OR2L13: variants seen among roughly 807,000 people sequenced by gnomAD.
The protein encoded by OR2L13 is olfactory receptor 2L13.
A neutral mutation model predicts 15.3 loss-of-function variants in OR2L13; 14 were observed. The observed-to-expected ratio is 0.91, with a 90% confidence interval of 0.60 to 1.43. The LOEUF (loss-of-function observed/expected upper bound fraction) is 1.43, where lower values mean the gene tolerates loss of function less well. Among genes scored for constraint, OR2L13 ranks in the 40% most tolerant of loss-of-function variants. The probability of loss-of-function intolerance (pLI) is 0.00; values close to 1 mark genes in which losing one functional copy is unlikely to be tolerated. For synonymous variants in OR2L13, 152 were observed against 142.9 expected, an observed-to-expected ratio of 1.06 and a Z score of -0.45; for missense variants, 367 against 387.9, an observed-to-expected ratio of 0.95 and a Z score of 0.45.
chr1:248,064,263 C>T, the OR2L13 span, among the ~76,000 whole-genome samples: 1 of 152,024 alleles, frequency 6.6e-6, no homozygotes, highest in Non-Finnish European at 1.5e-5. Flanking sequence ...AGATTAATGC[C>T]TTTCTAAAGG....
the OR2L13 span, among the ~76,000 whole-genome samples, chr1:248,073,478 G>C: frequency 6.6e-6 from 1 of 151,914 alleles, no homozygotes; most frequent in African/African-American, 2.4e-5. Flanking sequence ...GACTGTTGTG[G>C]GGTGGGGGGA....
the OR2L13 span, among the ~76,000 whole-genome samples, chr1:248,006,243 ATGTGTGTG>A: frequency 0.051 from 7,158 of 139,670 alleles, 260 homozygotes; most frequent in East Asian, 0.15. Context: ...ATTGCAAGAT[ATGTGTGTG>A]TGTGTGTGTG....
chr1:248,021,548 G>GCCTA, the OR2L13 span, among the ~76,000 whole-genome samples: 3 of 152,210 alleles, frequency 2.0e-5, no homozygotes, highest in Middle Eastern at 6.8e-3. Flanking sequence ...GCATCATAGT[G>GCCTA]CCTACATTGT....
chr1:247,941,728 A>G, the OR2L13 span, among the ~76,000 whole-genome samples: 6 of 152,208 alleles, frequency 3.9e-5, no homozygotes, highest in African/African-American at 1.4e-4. Context: ...ATTGGTACCT[A>G]TAGAACCTAG....
chr1:248,027,583 C>T, the OR2L13 span, among the ~76,000 whole-genome samples: 1 of 152,156 alleles, frequency 6.6e-6, no homozygotes, highest in Non-Finnish European at 1.5e-5. Flanking sequence ...TCTCTTTGTC[C>T]TCTGTCCCTT....
chr1:248,021,022 A>G, the OR2L13 span, among the ~76,000 whole-genome samples: 1 of 151,970 alleles, frequency 6.6e-6, no homozygotes, highest in Admixed American at 6.6e-5. Context: ...TACACAATAA[A>G]TGTAGAAAAA....
exon 3 of OR2L13, chr1:248,100,138 G>A: frequency 6.2e-7 from 1 of 1,613,968 alleles, no homozygotes; most frequent in Non-Finnish European, 8.5e-7. Context: ...TGCACCTTTT[G>A]TCTACACCTA....
the OR2L13 span, among the ~76,000 whole-genome samples, chr1:248,051,936 C>T: frequency 4.1e-4 from 62 of 152,266 alleles, no homozygotes; most frequent in Admixed American, 4.1e-3. Context: ...AACATAACCA[C>T]ATTGTAAATT....
chr1:248,097,166 C>T (rs1351762342), upstream of OR2L13: 1 of 152,242 alleles, frequency 6.6e-6, no homozygotes, highest in Non-Finnish European at 1.5e-5. Flanking sequence ...ACTTGGGTCT[C>T]TTCTTGTTCT....
chr1:248,044,247 CT>C, the OR2L13 span, among the ~76,000 whole-genome samples: 1 of 152,096 alleles, frequency 6.6e-6, no homozygotes, highest in Admixed American at 6.5e-5. Flanking sequence ...CTCAGTTTCT[CT>C]TTTTTCTGTC....
the OR2L13 span, among the ~76,000 whole-genome samples, chr1:247,995,778 C>A: frequency 6.6e-6 from 1 of 152,026 alleles, no homozygotes; most frequent in Non-Finnish European, 1.5e-5. Context: ...CAGGCTGGTC[C>A]TTGTCACCAG....
the OR2L13 span, among the ~76,000 whole-genome samples, chr1:248,080,704 C>A: frequency 6.6e-6 from 1 of 152,156 alleles, no homozygotes; most frequent in Non-Finnish European, 1.5e-5. Flanking sequence ...GGATTCAAGT[C>A]TTTGCTATTG....
At chr1:247,967,876 G>A in the OR2L13 span, among the ~76,000 whole-genome samples, 72 of 149,648 alleles carry the variant, frequency 4.8e-4, 1 homozygote, top group East Asian at 0.012. Flanking sequence ...TCTCCTCCTC[G>A]TCCTTCCTTC....
the OR2L13 span, among the ~76,000 whole-genome samples, chr1:248,010,760 GTTGTTTTT>G: frequency 3.2e-5 from 1 of 31,074 alleles, no homozygotes; most frequent in African/African-American, 1.1e-4. Flanking sequence ...CTGCTTTGTT[GTTGTTTTT>G]TTTTTTTTTT....
chr1:248,096,306 C>T (rs1400464953), upstream of OR2L13, among the ~76,000 whole-genome samples: 1 of 151,784 alleles, frequency 6.6e-6, no homozygotes, highest in Non-Finnish European at 1.5e-5. Context: ...GGGCGTGAAC[C>T]CGGGAGGCGG....
chr1:247,987,008 C>A, the OR2L13 span, among the ~76,000 whole-genome samples: 1 of 152,058 alleles, frequency 6.6e-6, no homozygotes, highest in East Asian at 1.9e-4. Context: ...AGTGTATAAG[C>A]CTTTTACCTT....
chr1:248,099,771 T>C, exon 3 of OR2L13: 1 of 1,614,154 alleles, frequency 6.2e-7, no homozygotes, highest in Non-Finnish European at 8.5e-7. Context: ...TCTATTATCC[T>C]ATCCGCATGA....
chr1:247,961,639 G>A, the OR2L13 span, among the ~76,000 whole-genome samples: 2 of 152,134 alleles, frequency 1.3e-5, no homozygotes, highest in Non-Finnish European at 2.9e-5. Context: ...TCAGAAATTT[G>A]TCCCAAGATC....
the OR2L13 span, among the ~76,000 whole-genome samples, chr1:247,993,673 T>C: frequency 6.6e-6 from 1 of 151,560 alleles, no homozygotes; most frequent in Non-Finnish European, 1.5e-5. Flanking sequence ...AAAAAGTAGA[T>C]ATGATTTAAT....
Sources: gnomAD v4.1 joint callset for allele counts (sites outside exome capture counted in the v4.1 genomes callset) on GRCh38, gnomAD v4.1.1 for gene constraint, MANE v1.5 for transcripts, NCBI Gene and HGNC (gene_info 2026-07-23, HGNC 2026-07-21) for gene names.